Variants in LRRC30 observed in about 807,000 individuals in gnomAD.
LRRC30 encodes leucine rich repeat containing 30.
A neutral mutation model predicts 14.8 loss-of-function variants in LRRC30; 10 were observed. That is an observed-to-expected ratio of 0.68 (90% CI 0.42 to 1.15). LRRC30 has a LOEUF of 1.15. LRRC30 is among the 50% of genes most tolerant of loss of function. The pLI, the probability that LRRC30 is intolerant of heterozygous loss-of-function variation, is 0.00. For synonymous variants in LRRC30, 202 were observed against 175.7 expected (o/e 1.15, Z -1.18); for missense variants, 403 against 373.9 (o/e 1.08, Z -0.64).
Position 7,231,369 on chromosome 18 carries a change from T to C in LRRC30, c.231T>C (p.Asn77=). The C allele has an allele frequency of 6.2e-7, 1 of 1,614,176 alleles. No individual in the cohort carries two copies. Among genetic ancestry groups the C allele is most frequent in the Non-Finnish European group, 8.5e-7 (1 of 1,180,044 alleles). Residue 77 remains asparagine, a synonymous_variant, in exon 1 of 1, where the codon AAT becomes AAC. Coordinates refer to ENST00000383467, the MANE Select transcript of LRRC30 (RefSeq NM_001105581.3). The part of the protein sequence containing the change: ...LWGLSEVQKL[N]LSHNQLRVLP... ...GCTTGTCCGAGGTCCAGAAACTCAA[T>C]CTGTCTCACAACCAGCTCCGGGTTC...
rs764418744 is a variant in LRRC30 at position 7,231,906 on chromosome 18, A to G, written c.768A>G (p.Arg256=). 2.5e-6 allele frequency: 4 copies of G among 1,613,860 alleles called. No homozygotes were observed. In the Admixed American group the frequency reaches 5.0e-5, roughly 20 times the overall value. ...CGAGCGAACTCCACCTGCTGTGTAGACTGGTGAGGATCGCCTGGAATCCCA... is the reference window on the plus strand; with the variant it reads ...CGAGCGAACTCCACCTGCTGTGTAGGCTGGTGAGGATCGCCTGGAATCCCA... ...TLPSELHLLC[R]LVRIAWNPMD... The change falls in exon 1 of 1, where the codon AGA becomes AGG. Residue 256 remains arginine, a synonymous_variant. Coordinates refer to ENST00000383467, the MANE Select transcript of LRRC30 (RefSeq NM_001105581.3).
Position 7,231,179 on chromosome 18 carries a change from G to T in LRRC30, c.41G>T (p.Gly14Val), listed in dbSNP as rs373650604. The T allele has an allele frequency of 3.7e-6, 6 of 1,608,358 alleles. No individual in the cohort carries two copies. The highest frequency in any genetic ancestry group is 5.1e-6 in the Non-Finnish European group (6 of 1,175,934). The change falls in exon 1 of 1, where the codon GGC becomes GTC. Residue 14 changes from glycine (G) to valine (V), a missense_variant. By Grantham distance (109) the Gly-to-Val change is moderately radical (BLOSUM62 -3). Transcript: ENST00000383467. ...RQSRASSKDKGPKRMLFTGRR... is the reference protein window; with the variant it reads ...RQSRASSKDKVPKRMLFTGRR... ...TCAAGGGCCAGCTCCAAGGATAAGGGCCCCAAGAGGATGCTGTTCACGGGG... is the reference window on the plus strand; with the variant it reads ...TCAAGGGCCAGCTCCAAGGATAAGGTCCCCAAGAGGATGCTGTTCACGGGG...
Position 7,231,572 on chromosome 18 carries a change from T to G in LRRC30, c.434T>G (p.Leu145Arg), listed in dbSNP as rs780562159. The G allele has an allele frequency of 6.2e-7, 1 of 1,613,890 alleles. No homozygotes were observed. Among genetic ancestry groups the G allele is most frequent in the East Asian group, 2.2e-5 (1 of 44,868 alleles). Residue 145 changes from leucine to arginine, a missense_variant, in exon 1 of 1, where the codon CTG (leucine) becomes CGG (arginine). By Grantham distance (102) the Leu-to-Arg change is moderately radical. Transcript: ENST00000383467. ...AGCTTGTGCCGAAAGCTGGAGGTCC[T>G]GAGCTTGTCGCACAACTGCCTGTCC... ...ELSLCRKLEVLSLSHNCLSQL... is the reference protein window; with the variant it reads ...ELSLCRKLEVRSLSHNCLSQL...
chr18:7,231,621 CCT>C lies in LRRC30; in HGVS notation c.488_489del (p.Ser163Ter). On this transcript the variant is annotated frameshift_variant, in exon 1 of 1. Transcript: ENST00000383467. LOFTEE classifies it high-confidence loss of function. ...LSQLPACFAD[L>X]SRLRKLNLSN... Reference sequence around the variant, plus strand: ...CCCAGCTCCCTGCATGCTTCGCCGACCTCTCTAGACTGAGGAAGCTAAACCTC... The same window carrying C: ...CCCAGCTCCCTGCATGCTTCGCCGACCTCTAGACTGAGGAAGCTAAACCTC... 1 of 1,614,128 alleles carries C rather than the reference CCT, an allele frequency of 6.2e-7. No homozygotes were observed. Among genetic ancestry groups the C allele is most frequent in the Non-Finnish European group, 8.5e-7 (1 of 1,180,016 alleles).
In LRRC30 at chr18:7,231,720, C is replaced by G. The variant is rs749236874; in HGVS notation, c.582C>G (p.Gly194=). ...SLKELIFLHV[G]SNRLENIAES... is the part of the protein sequence containing the mutation. ...AGGAACTGATTTTCTTGCACGTGGG[C>G]TCGAATCGCCTGGAAAACATCGCTG... Residue 194 remains glycine (G), a synonymous_variant, in exon 1 of 1, where the codon GGC becomes GGG. Coordinates refer to ENST00000383467, the MANE Select transcript of LRRC30 (RefSeq NM_001105581.3). 6.2e-7 allele frequency: 1 copy of G among 1,614,192 alleles called. No individual in the cohort carries two copies. The highest frequency in any genetic ancestry group is 8.5e-7 in the Non-Finnish European group (1 of 1,180,036).
rs2058619208 is a variant in LRRC30 at position 7,231,391 on chromosome 18, G to C, written c.253G>C (p.Val85Leu). 6.2e-7 allele frequency: 1 copy of C among 1,614,184 alleles called. No homozygotes were observed. The highest frequency in any genetic ancestry group is 8.5e-7 in the Non-Finnish European group (1 of 1,180,050). The change falls in exon 1 of 1, where the codon GTT (valine) becomes CTT (leucine). Residue 85 changes from valine (V) to leucine (L), a missense_variant. Physicochemically the swap from Val to Leu is conservative, Grantham distance 32. Coordinates refer to ENST00000383467, the MANE Select transcript of LRRC30 (RefSeq NM_001105581.3). ...CAATCTGTCTCACAACCAGCTCCGG[G>C]TTCTCCCTCCCGAGGTGGGGAAACT... The part of the protein sequence containing the change: ...KLNLSHNQLR[V>L]LPPEVGKLTR...
Position 7,231,089 on chromosome 18 carries a change from G to T in LRRC30, c.-50G>T. 1 of 1,523,712 alleles carries T rather than the reference G, an allele frequency of 6.6e-7. No homozygotes were observed. The allele number at this position is 1,523,712 out of a possible 1,614,324, so 94.4% of individuals were successfully genotyped here. A position where few individuals can be genotyped will look rare whatever the true frequency, so the allele number is the denominator to read the frequency against. On this transcript the variant is annotated 5_prime_UTR_variant, in exon 1 of 1. Coordinates refer to ENST00000383467, the MANE Select transcript of LRRC30 (RefSeq NM_001105581.3). ...TGGCTTTTAGCAGCTGAGAGGACACGGTCCCTGCCTGGGAGGTGGCAGAGG... is the reference window on the plus strand; with the variant it reads ...TGGCTTTTAGCAGCTGAGAGGACACTGTCCCTGCCTGGGAGGTGGCAGAGG...
chr18:7,231,558 A>G lies in LRRC30; in HGVS notation c.420A>G (p.Arg140=), dbSNP rs1380496575. 6.2e-7 allele frequency: 1 copy of G among 1,613,706 alleles called. No homozygotes were observed. The highest frequency in any genetic ancestry group is 8.5e-7 in the Non-Finnish European group (1 of 1,180,034). ...TGCCGGCCGAGCTGAGCTTGTGCCG[A>G]AAGCTGGAGGTCCTGAGCTTGTCGC... ...TEVPAELSLC[R]KLEVLSLSHN... The change falls in exon 1 of 1, where the codon CGA becomes CGG. Residue 140 remains arginine, a synonymous_variant. Transcript: ENST00000383467.
Position 7,231,458 on chromosome 18 carries a change from A to G in LRRC30, c.320A>G (p.Lys107Arg), listed in dbSNP as rs1202712394. 4.3e-6 allele frequency: 7 copies of G among 1,613,958 alleles called. No homozygotes were observed. Among genetic ancestry groups the G allele is most frequent in the Non-Finnish European group, 5.9e-6 (7 of 1,180,026 alleles). ...VVLNLCGNRL[K>R]SLPREVSLLQ... is the part of the protein sequence containing the mutation. ...CTGAACTTGTGCGGGAACCGCCTGA[A>G]GAGCCTGCCCAGAGAAGTGAGCCTC... The change falls in exon 1 of 1, where the codon AAG becomes AGG. Residue 107 changes from lysine to arginine, a missense_variant. Physicochemically the swap from Lys to Arg is conservative, Grantham distance 26. Transcript: ENST00000383467.
In LRRC30 at chr18:7,231,801, C is replaced by T. The variant is rs1460686922; in HGVS notation, c.663C>T (p.Ile221=). Residue 221 remains isoleucine, a synonymous_variant, in exon 1 of 1, where the codon ATC becomes ATT. Transcript: ENST00000383467. The part of the protein sequence containing the change: ...LQIFIAEGNN[I]HSFPRSLCLV... ...TCTTCATCGCAGAGGGCAACAACATCCACTCCTTCCCGAGGTCGCTTTGCC... is the reference window on the plus strand; with the variant it reads ...TCTTCATCGCAGAGGGCAACAACATTCACTCCTTCCCGAGGTCGCTTTGCC... 6.2e-7 allele frequency: 1 copy of T among 1,614,058 alleles called. No homozygotes were observed. Among genetic ancestry groups the T allele is most frequent in the South Asian group, 1.1e-5 (1 of 91,060 alleles).
Position 7,231,096 on chromosome 18 carries a change from G to C in LRRC30, c.-43G>C, listed in dbSNP as rs2058617826. 1 of 1,536,996 alleles carries C rather than the reference G, an allele frequency of 6.5e-7. No individual in the cohort carries two copies. Among genetic ancestry groups the C allele is most frequent in the South Asian group, 1.3e-5 (1 of 78,032 alleles). ...TAGCAGCTGAGAGGACACGGTCCCTGCCTGGGAGGTGGCAGAGGAGAGTGA... is the reference window on the plus strand; with the variant it reads ...TAGCAGCTGAGAGGACACGGTCCCTCCCTGGGAGGTGGCAGAGGAGAGTGA... On this transcript the variant is annotated 5_prime_UTR_variant, in exon 1 of 1. Coordinates refer to ENST00000383467, the MANE Select transcript of LRRC30 (RefSeq NM_001105581.3).
rs372517019 is a variant in LRRC30, at chr18:7,231,143, G to C, written c.5G>C (p.Gly2Ala). The C allele has an allele frequency of 5.7e-6, 9 of 1,583,296 alleles. No homozygotes were observed. Among genetic ancestry groups the C allele is most frequent in the Non-Finnish European group, 7.7e-6 (9 of 1,162,150 alleles). ...GTGACTAGAAGGGAAGGTACAATGG[G>C]GGCCAGGCAGTCAAGGGCCAGCTCC... is the stretch of plus-strand genomic sequence containing the variant. MGARQSRASSKD... is the reference protein window; with the variant it reads MAARQSRASSKD... Residue 2 changes from glycine (G) to alanine (A), a missense_variant, in exon 1 of 1, where the codon GGG (glycine) becomes GCG (alanine). Gly to Ala is a moderately conservative substitution (Grantham distance 60). Coordinates refer to ENST00000383467, the MANE Select transcript of LRRC30 (RefSeq NM_001105581.3).
rs181669788 is a variant in LRRC30, at chr18:7,231,382, C to A, written c.244C>A (p.Gln82Lys). Residue 82 changes from glutamine to lysine, a missense_variant, in exon 1 of 1, where the codon CAG (glutamine) becomes AAG (lysine). By Grantham distance (53) the Gln-to-Lys change is moderately conservative. Coordinates refer to ENST00000383467, the MANE Select transcript of LRRC30 (RefSeq NM_001105581.3). ...CCAGAAACTCAATCTGTCTCACAAC[C>A]AGCTCCGGGTTCTCCCTCCCGAGGT... is the stretch of plus-strand genomic sequence containing the variant. ...EVQKLNLSHN[Q>K]LRVLPPEVGK... 3.1e-6 allele frequency: 5 copies of A among 1,614,230 alleles called. No homozygotes were observed. The Admixed American group carries it at 8.3e-5, about 27-fold the overall frequency.
Position 7,231,860 on chromosome 18 carries a change from A to G in LRRC30, c.722A>G (p.Asn241Ser), listed in dbSNP as rs1348650287. The G allele has an allele frequency of 6.2e-7, 1 of 1,614,010 alleles. No homozygotes were observed. The highest frequency in any genetic ancestry group is 8.5e-7 in the Non-Finnish European group (1 of 1,179,980). ...VTSLELLNLN[N>S]NDIQTLPSEL... The stretch of plus-strand genomic sequence containing the variant: ...AGCCTGGAGCTGCTGAACCTCAACA[A>G]CAATGACATCCAGACCCTCCCGAGC... Residue 241 changes from asparagine (N) to serine (S), a missense_variant, in exon 1 of 1, where the codon AAC becomes AGC. By Grantham distance (46) the Asn-to-Ser change is conservative. Coordinates refer to ENST00000383467, the MANE Select transcript of LRRC30 (RefSeq NM_001105581.3).
In LRRC30 at chr18:7,231,931, A is replaced by G. The variant is rs1267256689; in HGVS notation, c.793A>G (p.Met265Val). ...CRLVRIAWNP[M>V]DKGLHISHNP... ...ACTGGTGAGGATCGCCTGGAATCCC[A>G]TGGACAAAGGGCTCCACATTTCCCA... The change falls in exon 1 of 1, where the codon ATG (methionine) becomes GTG (valine). Residue 265 changes from methionine (M) to valine (V), a missense_variant. Transcript: ENST00000383467. The G allele has an allele frequency of 1.2e-6, 2 of 1,614,012 alleles. No individual in the cohort carries two copies. Among genetic ancestry groups the G allele is most frequent in the African/African-American group, 2.7e-5 (2 of 74,982 alleles).
In LRRC30 at chr18:7,231,494, T is replaced by G; in HGVS notation, c.356T>G (p.Leu119Arg). ...LPREVSLLQCLKVLFVNMNCL... is the reference protein window; with the variant it reads ...LPREVSLLQCRKVLFVNMNCL... ...AGAGAAGTGAGCCTCCTACAGTGCC[T>G]CAAGGTCCTGTTTGTCAACATGAAC... Residue 119 changes from leucine (L) to arginine (R), a missense_variant, in exon 1 of 1, where the codon CTC (leucine) becomes CGC (arginine). Transcript: ENST00000383467. The G allele has an allele frequency of 6.2e-7, 1 of 1,613,722 alleles. No individual in the cohort carries two copies. Among genetic ancestry groups the G allele is most frequent in the Middle Eastern group, 1.6e-4 (1 of 6,062 alleles).
chr18:7,231,456 G>A lies in LRRC30; in HGVS notation c.318G>A (p.Leu106=). The A allele has an allele frequency of 6.2e-7, 1 of 1,614,114 alleles. No homozygotes were observed. Among genetic ancestry groups the A allele is most frequent in the South Asian group, 1.1e-5 (1 of 91,084 alleles). The change falls in exon 1 of 1, where the codon CTG becomes CTA. Residue 106 remains leucine (L), a synonymous_variant. Coordinates refer to ENST00000383467, the MANE Select transcript of LRRC30 (RefSeq NM_001105581.3). ...TCCTGAACTTGTGCGGGAACCGCCT[G>A]AAGAGCCTGCCCAGAGAAGTGAGCC... ...IVVLNLCGNR[L]KSLPREVSLL...
In LRRC30 at chr18:7,231,990, G is replaced by A. The variant is rs1012299819; in HGVS notation, c.852G>A (p.Val284=). The A allele has an allele frequency of 2.5e-6, 4 of 1,613,776 alleles. No homozygotes were observed. The African/African-American group carries it at 4.0e-5, about 16-fold the overall frequency. Residue 284 remains valine, a synonymous_variant, in exon 1 of 1, where the codon GTG becomes GTA. Transcript: ENST00000383467. The part of the protein sequence containing the change: ...NPLSKPLPEL[V]EGGLEMLFGY... Reference sequence around the variant, plus strand: ...TATCCAAGCCTCTGCCGGAGCTGGTGGAGGGGGGCCTGGAGATGCTCTTCG... The same window carrying A: ...TATCCAAGCCTCTGCCGGAGCTGGTAGAGGGGGGCCTGGAGATGCTCTTCG...
chr18:7,231,308 C>A lies in LRRC30; in HGVS notation c.170C>A (p.Thr57Lys), dbSNP rs749552668. The A allele has an allele frequency of 3.7e-6, 6 of 1,614,126 alleles. No homozygotes were observed. Among genetic ancestry groups the A allele is most frequent in the Non-Finnish European group, 5.1e-6 (6 of 1,180,058 alleles). The stretch of plus-strand genomic sequence containing the variant: ...CACCACGTCAGCTTCAGCCTGGTCA[C>A]GAGAGGAATGACAGACATCCCCGAC... ...GMHHVSFSLV[T>K]RGMTDIPDFL... is the part of the protein sequence containing the mutation. The change falls in exon 1 of 1, where the codon ACG (threonine) becomes AAG (lysine). Residue 57 changes from threonine to lysine, a missense_variant. Coordinates refer to ENST00000383467, the MANE Select transcript of LRRC30 (RefSeq NM_001105581.3).
Sources: gnomAD v4.1 joint callset for allele counts on GRCh38, gnomAD v4.1.1 for gene constraint, MANE v1.5 for transcripts, NCBI Gene and HGNC (gene_info 2026-07-23, HGNC 2026-07-21) for gene names.